RNF17: variants seen among roughly 807,000 people sequenced by gnomAD.
RNF17 encodes the protein ring finger protein 17.
A neutral mutation model predicts 200.5 loss-of-function variants in RNF17; 31 were observed. The ratio of observed to expected loss-of-function variants is 0.15; its 90% CI spans 0.12 to 0.21. The LOEUF (loss-of-function observed/expected upper bound fraction) is 0.21, where lower values mean the gene tolerates loss of function less well. RNF17 is among the 10% of genes least tolerant of loss of function. The pLI, the probability that RNF17 is intolerant of heterozygous loss-of-function variation, is 1.00. For missense variants in RNF17, 1,628 were observed against 1,905.1 expected, an observed-to-expected ratio of 0.85 and a Z score of 2.71; for synonymous variants, 606 against 637.8, an observed-to-expected ratio of 0.95 and a Z score of 0.75.
chr13:24,832,984 G>A (rs1463786062), intron 18 of RNF17, among the ~76,000 whole-genome samples: 4 of 152,090 alleles, frequency 2.6e-5, no homozygotes, highest in South Asian at 2.1e-4. Context: ...GGGCTCAAGC[G>A]ATCCTCCCTC....
intron 15 of RNF17, among the ~76,000 whole-genome samples, chr13:24,812,338 C>T (rs1027309261): frequency 6.6e-6 from 1 of 151,894 alleles, no homozygotes; most frequent in African/African-American, 2.4e-5. Flanking sequence ...GGGATATAAT[C>T]TCCTGGCGCG....
At chr13:24,785,056 C>CA (rs1428494331) in intron 6 of RNF17, among the ~76,000 whole-genome samples, 1 of 152,088 alleles carries the variant, frequency 6.6e-6, no homozygotes, top group Admixed American at 6.6e-5. Flanking sequence ...ATCTTGAAGT[C>CA]AAACTTTTGC....
intron 6 of RNF17, among the ~76,000 whole-genome samples, chr13:24,784,792 T>G (rs1233490692): frequency 3.9e-5 from 6 of 152,232 alleles, no homozygotes; most frequent in Admixed American, 3.9e-4. Flanking sequence ...CCAGAACCTC[T>G]GTATCCCGGG....
intron 24 of RNF17, among the ~76,000 whole-genome samples, chr13:24,852,074 T>C (rs1229962768): frequency 6.6e-6 from 1 of 152,094 alleles, no homozygotes; most frequent in Non-Finnish European, 1.5e-5. Context: ...TTTAAGCACC[T>C]TTGGTCCAGG....
At chr13:24,794,130 G>A (rs780645951) in intron 10 of RNF17, 12 of 440,862 alleles carry the variant, frequency 2.7e-5, no homozygotes, top group Non-Finnish European at 4.0e-5. Context: ...AGTACAAGTT[G>A]TCTTTATTTC....
In RNF17 at chr13:24,854,153, T is replaced by C. The variant is rs750231514; in HGVS notation, c.3610+9T>C. Reference sequence around the variant, plus strand: ...AGTACCTAAACTATCAGGTGAGACCTTCTATGTTATGTAGGCTCTAGTTCT... The same window carrying C: ...AGTACCTAAACTATCAGGTGAGACCCTCTATGTTATGTAGGCTCTAGTTCT... On this transcript the variant is annotated intron_variant, in intron 25 of 35. Transcript: ENST00000255324. 1.3e-6 allele frequency: 2 copies of C among 1,596,322 alleles called. No individual in the cohort carries two copies. Among genetic ancestry groups the C allele is most frequent in the South Asian group, 2.2e-5 (2 of 89,210 alleles).
intron 30 of RNF17, among the ~76,000 whole-genome samples, chr13:24,868,330 C>A (rs1207641115): frequency 6.7e-6 from 1 of 149,512 alleles, no homozygotes; most frequent in Non-Finnish European, 1.5e-5. Context: ...ATTAGCCGGG[C>A]GTAGTGGCGG....
At chr13:24,793,495 C>T (rs978179191) in intron 10 of RNF17, 149 bp downstream of exon 10, 67 of 704,420 alleles carry the variant, frequency 9.5e-5, no homozygotes, top group Non-Finnish European at 1.2e-4. Context: ...CATTCCATGC[C>T]CCTACTCTCA....
At chr13:24,808,861 T>C (rs1431687512) in intron 15 of RNF17, among the ~76,000 whole-genome samples, 3 of 112,462 alleles carry the variant, frequency 2.7e-5, no homozygotes, top group African/African-American at 1.1e-4. Context: ...TGAAGGGTTG[T>C]TGAATTTTGT....
downstream of RNF17, among the ~76,000 whole-genome samples, chr13:24,880,145 A>G (rs1953768395): frequency 7.2e-6 from 1 of 139,678 alleles, no homozygotes; most frequent in African/African-American, 2.5e-5. Context: ...AAGAGGTTTA[A>G]TTGACTCAGT....
intron 15 of RNF17, chr13:24,824,167 G>T (rs1294274319): frequency 1.4e-6 from 1 of 707,776 alleles, no homozygotes; most frequent in Admixed American, 2.1e-5. Context: ...AGGCTTCTTG[G>T]TTACTGTAAA....
intron 2 of RNF17, among the ~76,000 whole-genome samples, chr13:24,773,905 T>C (rs1881169190): frequency 6.6e-6 from 1 of 152,184 alleles, no homozygotes; most frequent in Admixed American, 6.5e-5. Context: ...TTCTTCATTT[T>C]TCTTTCAGGT....
intron 14 of RNF17, among the ~76,000 whole-genome samples, chr13:24,803,237 C>T (rs1426877937): frequency 6.6e-6 from 1 of 152,178 alleles, no homozygotes; most frequent in Non-Finnish European, 1.5e-5. Flanking sequence ...AGTTCATGAT[C>T]ACTACCCTAT....
chr13:24,849,510 A>G (rs561091665), intron 22 of RNF17, among the ~76,000 whole-genome samples: 7 of 152,196 alleles, frequency 4.6e-5, no homozygotes, highest in Non-Finnish European at 8.8e-5. Context: ...GTGGCCCAAA[A>G]TAATTCTTCC....
At chr13:24,752,911 T>C in the RNF17 span, among the ~76,000 whole-genome samples, 3 of 152,222 alleles carry the variant, frequency 2.0e-5, no homozygotes, top group Non-Finnish European at 2.9e-5. Flanking sequence ...TGGCCCTACT[T>C]GATCTGGCTT....
chr13:24,825,876 A>T, intron 16 of RNF17, 104 bp downstream of exon 16: 2 of 1,426,986 alleles, frequency 1.4e-6, no homozygotes. Context: ...ATTTGATCTT[A>T]TCATTTGCTC....
At chr13:24,872,399 A>G (rs1267132917) in intron 32 of RNF17, among the ~76,000 whole-genome samples, 1 of 152,232 alleles carries the variant, frequency 6.6e-6, no homozygotes, top group Non-Finnish European at 1.5e-5. Context: ...CACAGAAAGC[A>G]TATGACATAA....
intron 18 of RNF17, among the ~76,000 whole-genome samples, chr13:24,836,003 G>T (rs903576603): frequency 1.3e-5 from 2 of 152,156 alleles, no homozygotes; most frequent in African/African-American, 4.8e-5. Context: ...TTAGAAATGC[G>T]AAATGTTCTG....
rs80261865 is a variant in RNF17, at chr13:24,854,163, T to A, written c.3610+19T>A. 2,039 of 1,579,000 alleles carry A rather than the reference T, an allele frequency of 1.3e-3. 30 individuals carry two copies. In the African/African-American group the frequency reaches 0.025, roughly 20 times the overall value. The stretch of plus-strand genomic sequence containing the variant: ...CTATCAGGTGAGACCTTCTATGTTA[T>A]GTAGGCTCTAGTTCTCTAGTACGAA... On this transcript the variant is annotated intron_variant, in intron 25 of 35. Transcript: ENST00000255324.
Sources: gnomAD v4.1 joint callset for allele counts (sites outside exome capture counted in the v4.1 genomes callset) on GRCh38, gnomAD v4.1.1 for gene constraint, MANE v1.5 for transcripts, NCBI Gene and HGNC (gene_info 2026-07-23, HGNC 2026-07-21) for gene names.